UBAC1: variants seen among roughly 807,000 people sequenced by gnomAD.
The protein encoded by UBAC1 is UBA domain containing 1.
Under a neutral mutation model 45.9 loss-of-function variants are expected in UBAC1, and 27 were observed. The observed-to-expected ratio is 0.59, with a 90% CI of 0.43 to 0.81. The LOEUF is 0.81. Among genes scored for constraint, UBAC1 ranks in the 30% least tolerant of loss-of-function variants. UBAC1 has a pLI of 0.00. For missense variants in UBAC1, 529 were observed against 539.2 expected, an observed-to-expected ratio of 0.98 and a Z score of 0.19; for synonymous variants, 227 against 215.5, an observed-to-expected ratio of 1.05 and a Z score of -0.47.
In UBAC1 at chr9:135,955,390, G is replaced by T; in HGVS notation, c.164C>A (p.Pro55His). Residue 55 changes from proline (P) to histidine (H), a missense_variant, in exon 2 of 10, where the codon CCC becomes CAC. By Grantham distance (77) the Pro-to-His change is moderately conservative. Coordinates refer to ENST00000371756, the MANE Select transcript of UBAC1 (RefSeq NM_016172.3). Reference sequence around the variant, plus strand: ...TAATTTATGATGGGTTATACTTTTGGGATCTTCTAAGCTCCCATGAGCACA... The same window carrying T: ...TAATTTATGATGGGTTATACTTTTGTGATCTTCTAAGCTCCCATGAGCACA... ...KHCAHGSLEDPKSITHHKLIH... is the reference protein window; with the variant it reads ...KHCAHGSLEDHKSITHHKLIH... 1 of 1,595,966 alleles carries T rather than the reference G, an allele frequency of 6.3e-7. No homozygotes were observed. Among genetic ancestry groups the T allele is most frequent in the Non-Finnish European group, 8.5e-7 (1 of 1,174,472 alleles).
chr9:135,934,743 G>A (rs1839184237), intron 9 of UBAC1, among the ~76,000 whole-genome samples: 1 of 152,170 alleles, frequency 6.6e-6, no homozygotes, highest in Admixed American at 6.5e-5. Context: ...ACACAGGGCG[G>A]GGAACTTAAT....
chr9:135,961,044 T>C lies in UBAC1; in HGVS notation c.119A>G (p.Lys40Arg). The C allele has an allele frequency of 6.4e-7, 1 of 1,574,728 alleles. No individual in the cohort carries two copies. The highest frequency in any genetic ancestry group is 1.1e-5 in the South Asian group (1 of 87,404). The change falls in exon 1 of 10, where the codon AAG (lysine) becomes AGG (arginine). Residue 40 changes from lysine (K) to arginine (R), a missense_variant. Transcript: ENST00000371756. ...CCTTACGTGCTTGAGGCAGCGCTCC[T>C]TGAGCTTCTCCACCGAGGTGTCCTC... Reference protein sequence around the residue: ...ATEDTSVEKLKERCLKHCAHG... With the variant: ...ATEDTSVEKLRERCLKHCAHG...
chr9:135,934,655 G>A (rs753369099), intron 9 of UBAC1, among the ~76,000 whole-genome samples: 4 of 152,040 alleles, frequency 2.6e-5, no homozygotes, highest in Admixed American at 6.6e-5. Context: ...GTGAGACTCC[G>A]TCTCAAAAAA....
At chr9:135,946,104 C>G (rs1319930203) in intron 5 of UBAC1, 107 bp from the exon 6 acceptor site, 2 of 1,185,262 alleles carry the variant, frequency 1.7e-6, no homozygotes, top group African/African-American at 3.0e-5. Context: ...CCTGCCCGCC[C>G]TCAGGCACAT....
At chr9:135,945,283 A>C in intron 6 of UBAC1, 33 bp from the exon 7 acceptor site, 1 of 1,521,680 alleles carries the variant, frequency 6.6e-7, no homozygotes, top group South Asian at 1.3e-5. Context: ...CAACATCCCC[A>C]GACTAACGGA....
At chr9:135,958,748 C>A (rs1331251370) in intron 1 of UBAC1, among the ~76,000 whole-genome samples, 1 of 152,182 alleles carries the variant, frequency 6.6e-6, no homozygotes, top group Non-Finnish European at 1.5e-5. Context: ...GTTCTCTTTT[C>A]TGACTAACGC....
At chr9:135,953,835 G>C (rs959547068) in intron 2 of UBAC1, 82 bp from the exon 3 acceptor site, 3 of 1,285,786 alleles carry the variant, frequency 2.3e-6, no homozygotes, top group East Asian at 2.5e-5. Flanking sequence ...TGGATGCCCT[G>C]AGAACAGAAC....
chr9:135,939,064 T>C (rs999901836), intron 8 of UBAC1, among the ~76,000 whole-genome samples: 34 of 151,818 alleles, frequency 2.2e-4, no homozygotes, highest in African/African-American at 8.0e-4. Flanking sequence ...TAGCCGGGCA[T>C]AGTGGTGCAT....
chr9:135,954,146 AAAAAAAAAAAG>A (rs1006791241), intron 2 of UBAC1, among the ~76,000 whole-genome samples: 5 of 149,686 alleles, frequency 3.3e-5, no homozygotes, highest in Non-Finnish European at 7.5e-5. Context: ...CTTAAAAAAA[AAAAAAAAAAAG>A]AAGAAGAGCA....
chr9:135,946,902 A>T (rs1437706942), intron 4 of UBAC1, among the ~76,000 whole-genome samples: 1 of 152,312 alleles, frequency 6.6e-6, no homozygotes, highest in South Asian at 2.1e-4. Context: ...CTACTCTCAC[A>T]CAAGTGTGAG....
intron 1 of UBAC1, among the ~76,000 whole-genome samples, chr9:135,960,251 C>T (rs762376348): frequency 4.6e-5 from 7 of 152,178 alleles, no homozygotes; most frequent in Non-Finnish European, 8.8e-5. Context: ...TTACTGAGTC[C>T]TTTAGAGACT....
chr9:135,954,559 G>C (rs1185475597), intron 2 of UBAC1, among the ~76,000 whole-genome samples: 1 of 152,194 alleles, frequency 6.6e-6, no homozygotes, highest in African/African-American at 2.4e-5. Flanking sequence ...GGCCTGGCAC[G>C]AACCCCCAGG....
At chr9:135,943,161 T>C (rs1839289217) in intron 7 of UBAC1, among the ~76,000 whole-genome samples, 1 of 152,202 alleles carries the variant, frequency 6.6e-6, no homozygotes, top group African/African-American at 2.4e-5. Flanking sequence ...GTCTCACACC[T>C]GTAATCCCAG....
chr9:135,936,761 G>A (rs1178634559), intron 9 of UBAC1, among the ~76,000 whole-genome samples: 2 of 152,108 alleles, frequency 1.3e-5, no homozygotes, highest in Non-Finnish European at 1.5e-5. Context: ...CCAAAGTGCT[G>A]GGATTACAGG....
chr9:135,946,512 AGGGCAAGGCAG>A (rs1184509795), intron 4 of UBAC1, 141 bp from the exon 5 acceptor site: 5 of 644,460 alleles, frequency 7.8e-6, no homozygotes, highest in Admixed American at 4.5e-5. Context: ...GGATCAGCTG[AGGGCAAGGCAG>A]GGGATTGGCA....
chr9:135,933,778 A>AC (rs1382425627), intron 9 of UBAC1, among the ~76,000 whole-genome samples: 5 of 151,806 alleles, frequency 3.3e-5, no homozygotes, highest in Admixed American at 3.3e-4. Context: ...TGCTCATGGC[A>AC]CCCCCACTCT....
At chr9:135,941,267 G>A (rs1454126949) in intron 7 of UBAC1, among the ~76,000 whole-genome samples, 5 of 152,172 alleles carry the variant, frequency 3.3e-5, no homozygotes, top group African/African-American at 4.8e-5. Context: ...GTAGCTGGGC[G>A]TGGTGGCGGG....
In UBAC1 at chr9:135,961,343, C is replaced by CCGCCGCCGCAGCAGCCGCCGGGGGCG. The variant is rs1277107527; in HGVS notation, c.-207_-182dup. 1 of 291,002 alleles carries CCGCCGCCGCAGCAGCCGCCGGGGGCG rather than the reference C, an allele frequency of 3.4e-6. No individual in the cohort carries two copies. The highest frequency in any genetic ancestry group is 6.9e-5 in the Admixed American group (1 of 14,460). 18.0% of individuals were successfully genotyped at this position (291,002 alleles called of 1,614,324 possible). ...CGCGGCCTCAGCGGTCGCCTCGCTC[C>CCGCCGCCGCAGCAGCCGCCGGGGGCG]CGCCGCCGCAGCAGCCGCCGGGGGC... is the stretch of plus-strand genomic sequence containing the variant. On this transcript the variant is annotated 5_prime_UTR_variant, in exon 1 of 10. Coordinates refer to ENST00000371756, the MANE Select transcript of UBAC1 (RefSeq NM_016172.3).
intron 1 of UBAC1, among the ~76,000 whole-genome samples, chr9:135,956,431 C>G (rs915715388): frequency 2.6e-5 from 4 of 152,172 alleles, no homozygotes; most frequent in African/African-American, 9.7e-5. Context: ...GGCGCGTCGG[C>G]TCACCATTTT....
Sources: gnomAD v4.1 joint callset for allele counts (sites outside exome capture counted in the v4.1 genomes callset) on GRCh38, gnomAD v4.1.1 for gene constraint, MANE v1.5 for transcripts, NCBI Gene and HGNC (gene_info 2026-07-23, HGNC 2026-07-21) for gene names.